The following PDE2A variants were observed in gnomAD, a reference collection of about 807,000 sequenced individuals.
PDE2A encodes phosphodiesterase 2A.
In PDE2A, 53 loss-of-function variants were observed where a neutral mutation model predicts 133.6. The observed-to-expected ratio is 0.40, with a 90% CI of 0.32 to 0.50. PDE2A has a LOEUF of 0.50. PDE2A is among the 20% of genes least tolerant of loss of function. The probability of loss-of-function intolerance (pLI) is 0.73; values close to 1 mark genes in which losing one functional copy is unlikely to be tolerated. For synonymous variants in PDE2A, 491 were observed against 490.2 expected, an observed-to-expected ratio of 1.00 and a Z score of -0.02; for missense variants, 796 against 1,232.4, an observed-to-expected ratio of 0.65 and a Z score of 5.30.
Position 72,608,710 on chromosome 11 carries a change from G to C in PDE2A, c.186C>G (p.Gly62=), listed in dbSNP as rs764961080. 15 of 1,576,156 alleles carry C rather than the reference G, an allele frequency of 9.5e-6. No individual in the cohort carries two copies. Among genetic ancestry groups the C allele is most frequent in the Middle Eastern group, 1.7e-4 (1 of 6,016 alleles). The stretch of plus-strand genomic sequence containing the variant: ...GGGCCTCCTTGACAGCACGTTGCAG[G>C]CCTGAAATGTCGATGACAGAGCCCA... ...LSLGSVIDIS[G]LQRAVKEALS... is the part of the protein sequence containing the mutation. The change falls in exon 3 of 31, where the codon GGC becomes GGG. Residue 62 remains glycine, a synonymous_variant. Coordinates refer to ENST00000334456, the MANE Select transcript of PDE2A (RefSeq NM_002599.5).
At chr11:72,667,920 G>C (rs919912887) in intron 1 of PDE2A, among the ~76,000 whole-genome samples, 3 of 151,074 alleles carry the variant, frequency 2.0e-5, no homozygotes, top group African/African-American at 7.3e-5. Context: ...GGAGAAGGAA[G>C]AAACTGAGAA....
intron 27 of PDE2A, 94 bp downstream of exon 27, chr11:72,579,189 AG>A: frequency 1.9e-6 from 2 of 1,028,938 alleles, no homozygotes; most frequent in Middle Eastern, 2.0e-4. Context: ...TTGATGTTGC[AG>A]GGGATGGGTC....
chr11:72,596,574 C>A lies in PDE2A; in HGVS notation c.489+19G>T. On this transcript the variant is annotated intron_variant, in intron 6 of 30. Coordinates refer to ENST00000334456, the MANE Select transcript of PDE2A (RefSeq NM_002599.5). ...ATGGTCTCCTCTCCCTACATCCCACCGCCTAGGCAGGCTCTTACCAAGATG... is the reference window on the plus strand; with the variant it reads ...ATGGTCTCCTCTCCCTACATCCCACAGCCTAGGCAGGCTCTTACCAAGATG... 1 of 1,451,672 alleles carries A rather than the reference C, an allele frequency of 6.9e-7. No homozygotes were observed. The highest frequency in any genetic ancestry group is 9.2e-7 in the Non-Finnish European group (1 of 1,089,094). 89.9% of individuals were successfully genotyped at this position (1,451,672 alleles called of 1,614,324 possible). A position where few individuals can be genotyped will look rare whatever the true frequency, so the allele number is the denominator to read the frequency against.
chr11:72,631,499 G>A (rs764294642), intron 2 of PDE2A, among the ~76,000 whole-genome samples: 2 of 152,178 alleles, frequency 1.3e-5, no homozygotes, highest in African/African-American at 4.8e-5. Flanking sequence ...TTCTCTGTCT[G>A]TAAAATGGGA....
chr11:72,648,004 C>T (rs528855205), intron 1 of PDE2A, among the ~76,000 whole-genome samples: 1 of 152,324 alleles, frequency 6.6e-6, no homozygotes, highest in African/African-American at 2.4e-5. Flanking sequence ...TATATTCACA[C>T]ATGCAGGTAT....
In PDE2A at chr11:72,625,254, C is replaced by G. The variant is rs543495331; in HGVS notation, c.145-16503G>C. The stretch of plus-strand genomic sequence containing the variant: ...CTCCCCTGGTCCACCAACCTGGATC[C>G]CCCATGTGTCTGCACTGGTGCTGGC... On this transcript the variant is annotated intron_variant, in intron 2 of 30. Coordinates refer to ENST00000334456, the MANE Select transcript of PDE2A (RefSeq NM_002599.5). 5.9e-5 allele frequency among the ~76,000 whole-genome samples: 9 copies of G among 152,352 alleles called. No individual in the cohort carries two copies. In the South Asian group the frequency reaches 1.9e-3, roughly 32 times the overall value.
intron 2 of PDE2A, chr11:72,630,989 C>T: frequency 1.8e-6 from 2 of 1,110,760 alleles, no homozygotes; most frequent in East Asian, 2.6e-5. Context: ...TCCCCGTCCT[C>T]CCAAGGGGGA....
chr11:72,584,704 C>G lies in PDE2A; in HGVS notation c.1384G>C (p.Asp462His). The change falls in exon 18 of 31, where the codon GAT (aspartate) becomes CAT (histidine). Residue 462 changes from aspartate (D) to histidine (H), a missense_variant. This residue lies in a region of PDE2A where 218 missense variants were observed against 465.9 expected (regional missense o/e 0.47). Coordinates refer to ENST00000334456, the MANE Select transcript of PDE2A (RefSeq NM_002599.5). ...GCCACGTGTCCCGCGATGCCCTGAT[C>G]GGCCGGGATGCGGATCTCATAGCTC... ...DESYEIRIPA[D>H]QGIAGHVATT... is the part of the protein sequence containing the mutation. The G allele has an allele frequency of 6.2e-7, 1 of 1,613,392 alleles. No individual in the cohort carries two copies. The highest frequency in any genetic ancestry group is 8.5e-7 in the Non-Finnish European group (1 of 1,180,012).
At chr11:72,649,891 C>A (rs55765314) in intron 1 of PDE2A, among the ~76,000 whole-genome samples, 25,138 of 152,026 alleles carry the variant, frequency 0.17, 2,212 homozygotes, top group South Asian at 0.23. Flanking sequence ...GCTCTAACAA[C>A]CTTTCCAGCT....
intron 1 of PDE2A, among the ~76,000 whole-genome samples, chr11:72,662,770 G>A (rs984338718): frequency 6.6e-6 from 1 of 152,092 alleles, no homozygotes; most frequent in Non-Finnish European, 1.5e-5. Flanking sequence ...TTGGCCAACC[G>A]CAATACTGCC....
At chr11:72,653,647 G>A (rs779616292) in intron 1 of PDE2A, among the ~76,000 whole-genome samples, 2 of 152,174 alleles carry the variant, frequency 1.3e-5, no homozygotes, top group African/African-American at 2.4e-5. Context: ...TGACTCGGAC[G>A]CGGAGACAGA....
rs776647324 is a variant in PDE2A, at chr11:72,642,244, GC to G, written c.144+9del. 2.4e-5 allele frequency: 36 copies of G among 1,506,230 alleles called. No homozygotes were observed. The highest frequency in any genetic ancestry group is 1.1e-4 in the Admixed American group (5 of 43,614). 93.3% of individuals were successfully genotyped at this position (1,506,230 alleles called of 1,614,324 possible). On this transcript the variant is annotated intron_variant, in intron 2 of 30. Coordinates refer to ENST00000334456, the MANE Select transcript of PDE2A (RefSeq NM_002599.5). ...CGTTCTCCTGGTGCCCAGCGCGGGG[GC>G]CCCCCTACCTGCAGGCTGTCGGCGC...
rs1591021999 is a variant in PDE2A, at chr11:72,585,442, A to C, written c.1223-8T>G. On this transcript the variant is annotated splice_region_variant and splice_polypyrimidine_tract_variant and intron_variant, in intron 15 of 30. Transcript: ENST00000334456. ...GCAGGACAGAGACGTCATCTGGGGA[A>C]GGGAGAAGACCAGGCAGGGTGAGAC... The C allele has an allele frequency of 6.2e-7, 1 of 1,614,070 alleles. No homozygotes were observed. The highest frequency in any genetic ancestry group is 2.2e-5 in the East Asian group (1 of 44,882).
intron 1 of PDE2A, among the ~76,000 whole-genome samples, chr11:72,670,482 C>T (rs1565201264): frequency 6.6e-6 from 1 of 152,186 alleles, no homozygotes; most frequent in Admixed American, 6.5e-5. Flanking sequence ...CTGAGACCCT[C>T]CCTTTCACAC....
At chr11:72,669,006 T>C (rs1379926547) in intron 1 of PDE2A, 13 of 996,040 alleles carry the variant, frequency 1.3e-5, no homozygotes, top group Non-Finnish European at 1.4e-5. Context: ...TGACAGTAGC[T>C]AACCTTTGTG....
chr11:72,590,634 C>G lies in PDE2A; in HGVS notation c.550-54G>C. 7.6e-7 allele frequency: 1 copy of G among 1,317,986 alleles called. No individual in the cohort carries two copies. 81.6% of individuals were successfully genotyped at this position (1,317,986 alleles called of 1,614,324 possible). ...GCTCGCCCCAAGCTCGCTGCGCTTG[C>G]TGCAGCGGGATTCCTGCCTTTGCTC... On this transcript the variant is annotated intron_variant, in intron 7 of 30. Transcript: ENST00000334456. This position sits in a 1 kb window ranked among gnomAD's most constrained non-coding sequence, Gnocchi z 4.8.
chr11:72,625,012 C>T (rs549136139), intron 2 of PDE2A, among the ~76,000 whole-genome samples: 8 of 152,358 alleles, frequency 5.3e-5, no homozygotes, highest in African/African-American at 1.9e-4. Flanking sequence ...GGCACAGTCG[C>T]CAGGGCTGTT....
At chr11:72,580,049 C>T (rs1855651870) in intron 25 of PDE2A, among the ~76,000 whole-genome samples, 1 of 152,138 alleles carries the variant, frequency 6.6e-6, no homozygotes. Flanking sequence ...GGGCAGAGGG[C>T]AGAACCAGCA....
chr11:72,581,501 A>G (rs1432749014), intron 22 of PDE2A, 22 bp from the exon 23 acceptor site: 2 of 1,576,962 alleles, frequency 1.3e-6, no homozygotes, highest in Admixed American at 1.9e-5. Context: ...AAGAGGGCAG[A>G]AGAGGGGCCT....
Sources: gnomAD v4.1 joint callset for allele counts (sites outside exome capture counted in the v4.1 genomes callset) on GRCh38, gnomAD v4.1.1 for gene constraint, gnomAD v4.1.1 regional missense constraint, Gnocchi (gnomAD v3.1) non-coding constraint, MANE v1.5 for transcripts, NCBI Gene and HGNC (gene_info 2026-07-23, HGNC 2026-07-21) for gene names.